Variants in HABP4 observed in about 807,000 individuals in gnomAD.
HABP4 encodes the protein hyaluronan binding protein 4.
A neutral mutation model predicts 44.1 loss-of-function variants in HABP4; 32 were observed. The ratio of observed to expected loss-of-function variants is 0.73; its 90% CI spans 0.55 to 0.97. The LOEUF (loss-of-function observed/expected upper bound fraction) is 0.97. HABP4 is among the 50% of genes least tolerant of loss of function. HABP4 has a pLI of 0.00. For synonymous variants in HABP4, 216 were observed against 218.0 expected, an observed-to-expected ratio of 0.99 and a Z score of 0.08; for missense variants, 503 against 561.9, an observed-to-expected ratio of 0.90 and a Z score of 1.06.
At chr9:96,472,672 CTA>C (rs1029114696) in intron 5 of HABP4, among the ~76,000 whole-genome samples, 2 of 152,198 alleles carry the variant, frequency 1.3e-5, no homozygotes, top group African/African-American at 4.8e-5. Context: ...CCTCCCAACC[CTA>C]GTCTTCCAGT....
At chr9:96,458,237 T>A in intron 1 of HABP4, 142 bp from the exon 2 acceptor site, 1 of 830,326 alleles carries the variant, frequency 1.2e-6, no homozygotes, top group South Asian at 1.5e-5. Flanking sequence ...GCAACTTTTT[T>A]CTTTGAAGTT....
At chr9:96,464,144 C>T (rs762661279) in intron 2 of HABP4, among the ~76,000 whole-genome samples, 10 of 152,036 alleles carry the variant, frequency 6.6e-5, no homozygotes, top group Non-Finnish European at 1.3e-4. Flanking sequence ...GGCTCTCGCT[C>T]GTATTGTGAG....
At chr9:96,460,341 A>G (rs1832479329) in intron 2 of HABP4, among the ~76,000 whole-genome samples, 1 of 152,046 alleles carries the variant, frequency 6.6e-6, no homozygotes, top group South Asian at 2.1e-4. Flanking sequence ...CATTTGCTTT[A>G]TCATTCATCC....
chr9:96,481,153 T>G (rs938272446), intron 5 of HABP4, among the ~76,000 whole-genome samples: 1 of 152,130 alleles, frequency 6.6e-6, no homozygotes, highest in Non-Finnish European at 1.5e-5. Flanking sequence ...GGTGCCATCT[T>G]GGCTCACTGC....
intron 1 of HABP4, among the ~76,000 whole-genome samples, chr9:96,456,428 T>C (rs777195494): frequency 1.3e-5 from 2 of 152,096 alleles, no homozygotes; most frequent in Admixed American, 6.6e-5. Flanking sequence ...CCTTAAGGTC[T>C]TATGTGTATC....
intron 4 of HABP4, among the ~76,000 whole-genome samples, 179 bp from the exon 5 acceptor site, chr9:96,470,832 T>A (rs1054853061): frequency 2.0e-5 from 3 of 149,228 alleles, no homozygotes; most frequent in African/African-American, 7.4e-5. Flanking sequence ...GGGAGGGAGG[T>A]TGCACTGATC....
intron 2 of HABP4, among the ~76,000 whole-genome samples, chr9:96,461,545 G>A (rs115048462): frequency 2.1e-3 from 315 of 152,092 alleles, no homozygotes; most frequent in African/African-American, 7.3e-3. Context: ...TCTCGGGGGC[G>A]GAGACATGCC....
At chr9:96,457,915 A>G (rs1832424961) in intron 1 of HABP4, among the ~76,000 whole-genome samples, 1 of 152,164 alleles carries the variant, frequency 6.6e-6, no homozygotes, top group Admixed American at 6.5e-5. Context: ...TACAAAATAA[A>G]AACAAAAACC....
intron 4 of HABP4, among the ~76,000 whole-genome samples, chr9:96,466,105 TCA>T (rs1491441410): frequency 6.6e-6 from 1 of 152,228 alleles, no homozygotes; most frequent in Non-Finnish European, 1.5e-5. Context: ...ACACGGTGAC[TCA>T]CGCCTGTAAT....
chr9:96,451,681 C>T (rs896942219), intron 1 of HABP4, among the ~76,000 whole-genome samples: 1 of 152,078 alleles, frequency 6.6e-6, no homozygotes, highest in Non-Finnish European at 1.5e-5. Flanking sequence ...TTGTGAAAAG[C>T]TAAATCCAGA....
chr9:96,464,428 A>G (rs1279467800), intron 2 of HABP4, among the ~76,000 whole-genome samples: 1 of 152,220 alleles, frequency 6.6e-6, no homozygotes, highest in Admixed American at 6.5e-5. Context: ...GAGAGTGCCC[A>G]CAAGGATAAG....
At chr9:96,455,350 G>A (rs543093853) in intron 1 of HABP4, among the ~76,000 whole-genome samples, 1 of 151,454 alleles carries the variant, frequency 6.6e-6, no homozygotes, top group African/African-American at 2.4e-5. Context: ...TACCTGGGAG[G>A]CTGAGACTTG....
chr9:96,490,152 C>A lies in HABP4; in HGVS notation c.*114C>A, dbSNP rs777112486. 5.4e-5 allele frequency: 39 copies of A among 724,198 alleles called. No homozygotes were observed. Among genetic ancestry groups the A allele is most frequent in the Non-Finnish European group, 7.9e-5 (32 of 403,518 alleles). The allele number at this position is 724,198 out of a possible 1,614,324, so 44.9% of individuals were successfully genotyped here. ...ACAATAGATGTTGCTTTTCCCGTGT[C>A]ATGTAAATTTGTTGCACTTTTTTGG... On this transcript the variant is annotated 3_prime_UTR_variant, in exon 8 of 8. Coordinates refer to ENST00000375249, the MANE Select transcript of HABP4 (RefSeq NM_014282.4).
chr9:96,489,898 G>T, intron 7 of HABP4, 84 bp from the exon 8 acceptor site: 1 of 861,450 alleles, frequency 1.2e-6, no homozygotes, highest in Non-Finnish European at 2.0e-6. Flanking sequence ...CCTCAGCGTT[G>T]GTGCCAGGCC....
chr9:96,456,048 C>CT (rs1421287873), intron 1 of HABP4, among the ~76,000 whole-genome samples: 3 of 152,094 alleles, frequency 2.0e-5, no homozygotes, highest in African/African-American at 4.8e-5. Context: ...GAGCGAGACT[C>CT]TGTCTCAAAA....
Position 96,458,183 on chromosome 9 carries a change from G to A in HABP4, c.350-196G>A, listed in dbSNP as rs1454851496. On this transcript the variant is annotated intron_variant, in intron 1 of 7. Transcript: ENST00000375249. ...GATATAGGGAAAGCATGATTTAATAGTAACATCCTATTAAAAAGTAGACTG... is the reference window on the plus strand; with the variant it reads ...GATATAGGGAAAGCATGATTTAATAATAACATCCTATTAAAAAGTAGACTG... Among the ~76,000 whole-genome samples, 4 of 152,292 alleles carry A rather than the reference G, an allele frequency of 2.6e-5. No individual in the cohort carries two copies. The East Asian group carries it at 7.7e-4, about 29-fold the overall frequency.
chr9:96,479,031 C>A (rs1238688695), intron 5 of HABP4, among the ~76,000 whole-genome samples: 3 of 152,126 alleles, frequency 2.0e-5, no homozygotes, highest in Non-Finnish European at 2.9e-5. Flanking sequence ...GATAAAGAAC[C>A]ACTGCCACCA....
At chr9:96,473,038 T>C (rs781722410) in intron 5 of HABP4, among the ~76,000 whole-genome samples, 10 of 152,266 alleles carry the variant, frequency 6.6e-5, no homozygotes, top group Non-Finnish European at 1.5e-4. Context: ...TTCGGGTCTT[T>C]TAAAATGTTA....
intron 5 of HABP4, among the ~76,000 whole-genome samples, chr9:96,472,562 T>TC (rs1349216737): frequency 3.0e-4 from 45 of 152,054 alleles, no homozygotes; most frequent in African/African-American, 1.1e-3. Flanking sequence ...CGGGCTGCCA[T>TC]CCCCCCCGAC....
Sources: allele counts gnomAD v4.1 joint callset (sites outside exome capture counted in the v4.1 genomes callset), GRCh38; gene constraint gnomAD v4.1.1; transcripts MANE v1.5; gene names NCBI Gene and HGNC (gene_info 2026-07-23, HGNC 2026-07-21).